Variants in PKP4 observed in about 807,000 individuals in gnomAD.
The protein encoded by PKP4 is plakophilin 4, also known as plakophilin-4.
PKP4 carries 90 observed loss-of-function variants against 145.1 expected under a neutral mutation model. The observed-to-expected ratio is 0.62, with a 90% CI of 0.52 to 0.74. PKP4 has a LOEUF of 0.74. Among genes scored for constraint, PKP4 ranks in the 30% least tolerant of loss-of-function variants. The probability of loss-of-function intolerance (pLI) is 0.00; values close to 1 mark genes in which losing one functional copy is unlikely to be tolerated. For missense variants in PKP4, 1,340 were observed against 1,482.7 expected (o/e 0.90, Z 1.58); for synonymous variants, 563 against 577.2 (o/e 0.98, Z 0.35).
At chr2:158,513,168 A>G (rs1437029834) in intron 1 of PKP4, among the ~76,000 whole-genome samples, 1 of 152,190 alleles carries the variant, frequency 6.6e-6, no homozygotes, top group East Asian at 1.9e-4. Context: ...CTACATGTTA[A>G]GAGTCTGTTC....
At chr2:158,632,120 G>A (rs1270331581) in intron 8 of PKP4, among the ~76,000 whole-genome samples, 179 bp downstream of exon 8, 1 of 152,168 alleles carries the variant, frequency 6.6e-6, no homozygotes, top group African/African-American at 2.4e-5. Context: ...CTATTTATAG[G>A]TGATATATTT....
intron 1 of PKP4, among the ~76,000 whole-genome samples, chr2:158,501,577 A>G (rs1210309188): frequency 2.0e-5 from 3 of 152,214 alleles, no homozygotes; most frequent in Non-Finnish European, 2.9e-5. Flanking sequence ...AGCTGAGCTC[A>G]ACTGCAGTGA....
At chr2:158,544,333 C>G (rs996305851) in intron 2 of PKP4, among the ~76,000 whole-genome samples, 13 of 152,238 alleles carry the variant, frequency 8.5e-5, no homozygotes, top group African/African-American at 3.1e-4. Context: ...GTAAAAAGGA[C>G]TGTTATAAAG....
chr2:158,667,651 CA>C (rs1168725339), intron 16 of PKP4, among the ~76,000 whole-genome samples: 1 of 152,212 alleles, frequency 6.6e-6, no homozygotes, highest in African/African-American at 2.4e-5. Flanking sequence ...GCCCTTCACA[CA>C]GTGCCTGACA....
intron 2 of PKP4, among the ~76,000 whole-genome samples, chr2:158,554,660 C>T (rs898636539): frequency 1.5e-4 from 23 of 152,188 alleles, no homozygotes; most frequent in African/African-American, 3.6e-4. Context: ...CTCCTGACCT[C>T]GTGATCCGCC....
At chr2:158,574,048 G>A (rs1326887142) in intron 2 of PKP4, among the ~76,000 whole-genome samples, 1 of 152,204 alleles carries the variant, frequency 6.6e-6, no homozygotes, top group Admixed American at 6.5e-5. Flanking sequence ...TGAAAGTGCA[G>A]CTTTATTTTC....
At chr2:158,575,758 G>C (rs1226620210) in intron 2 of PKP4, among the ~76,000 whole-genome samples, 1 of 151,858 alleles carries the variant, frequency 6.6e-6, no homozygotes, top group Non-Finnish European at 1.5e-5. Flanking sequence ...ATAATGACAA[G>C]TGAGTAAATG....
chr2:158,497,785 G>A (rs967236722), intron 1 of PKP4, among the ~76,000 whole-genome samples: 9 of 152,220 alleles, frequency 5.9e-5, no homozygotes, highest in African/African-American at 2.2e-4. Context: ...GGTTGCTGAT[G>A]TTGCTATTAT....
At chr2:158,509,718 C>T (rs766276394) in intron 1 of PKP4, among the ~76,000 whole-genome samples, 12 of 152,022 alleles carry the variant, frequency 7.9e-5, no homozygotes, top group African/African-American at 2.2e-4. Context: ...GAGGCTGAGG[C>T]GAGTGGATCA....
At chr2:158,649,882 T>C (rs772850583) in intron 11 of PKP4, among the ~76,000 whole-genome samples, 2 of 152,238 alleles carry the variant, frequency 1.3e-5, no homozygotes, top group Non-Finnish European at 2.9e-5. Context: ...TGATGCTCTA[T>C]AGCTTGCAGC....
intron 13 of PKP4, among the ~76,000 whole-genome samples, chr2:158,661,958 C>A (rs1348823309): frequency 6.6e-6 from 1 of 152,164 alleles, no homozygotes; most frequent in Non-Finnish European, 1.5e-5. Flanking sequence ...CCCTTACCCT[C>A]TCCCTCCTGT....
intron 4 of PKP4, among the ~76,000 whole-genome samples, chr2:158,619,498 TA>T (rs1458639406): frequency 6.6e-6 from 1 of 152,234 alleles, no homozygotes. Context: ...GACATCAAGT[TA>T]AAGGTTTAGA....
intron 7 of PKP4, 23 bp from the exon 8 acceptor site, chr2:158,631,730 C>T (rs760405925): frequency 5.6e-6 from 9 of 1,596,044 alleles, no homozygotes; most frequent in Middle Eastern, 1.7e-4. Flanking sequence ...CAGTTCTTAA[C>T]GATGTAATTT....
intron 16 of PKP4, 103 bp from the exon 17 acceptor site, chr2:158,669,617 G>T (rs2106002314): frequency 2.3e-6 from 2 of 886,408 alleles, no homozygotes; most frequent in East Asian, 5.4e-5. Flanking sequence ...TTGTCTCTTT[G>T]GGGGTTTTAT....
Position 158,477,553 on chromosome 2 carries a change from G to A in PKP4, c.-6+20335G>A, listed in dbSNP as rs1308815634. Among the ~76,000 whole-genome samples, 4 of 152,212 alleles carry A rather than the reference G, an allele frequency of 2.6e-5. No homozygotes were observed. In the East Asian group the frequency reaches 7.7e-4, roughly 29 times the overall value. On this transcript the variant is annotated intron_variant, in intron 1 of 21. Transcript: ENST00000389759. Reference sequence around the variant, plus strand: ...ATGGCCTGATACCTCAGGAAGTCAAGCATCAGGGGATAGACCCCGTAAAGA... The same window carrying A: ...ATGGCCTGATACCTCAGGAAGTCAAACATCAGGGGATAGACCCCGTAAAGA...
chr2:158,612,200 C>CT (rs2051211817), intron 4 of PKP4, among the ~76,000 whole-genome samples: 1 of 152,044 alleles, frequency 6.6e-6, no homozygotes, highest in Non-Finnish European at 1.5e-5. Flanking sequence ...GTATGTATGT[C>CT]TAAGTATCCA....
chr2:158,594,658 C>A (rs2049562830), intron 3 of PKP4, among the ~76,000 whole-genome samples: 1 of 152,110 alleles, frequency 6.6e-6, no homozygotes, highest in Non-Finnish European at 1.5e-5. Flanking sequence ...CAGTGAAAAA[C>A]CAGGAATTTG....
chr2:158,677,065 TTGTATGTA>T (rs556790740), intron 20 of PKP4, 198 bp downstream of exon 20: 1 of 657,966 alleles, frequency 1.5e-6, no homozygotes, highest in Non-Finnish European at 2.7e-6. Context: ...ATGTACTTGT[TTGTATGTA>T]TGTATGTATG....
intron 1 of PKP4, among the ~76,000 whole-genome samples, chr2:158,494,146 T>C (rs938709569): frequency 6.6e-6 from 1 of 152,210 alleles, no homozygotes; most frequent in African/African-American, 2.4e-5. Context: ...ATACTGCTTA[T>C]TCGACTTCAA....
Sources: allele counts gnomAD v4.1 joint callset (sites outside exome capture counted in the v4.1 genomes callset), GRCh38; gene constraint gnomAD v4.1.1; transcripts MANE v1.5; gene names NCBI Gene and HGNC (gene_info 2026-07-23, HGNC 2026-07-21).